The following ROR1 variants were observed in gnomAD, a reference collection of about 807,000 sequenced individuals.
ROR1 encodes the protein ROR family WNT receptor 1, also known as inactive tyrosine-protein kinase transmembrane receptor ROR1.
In ROR1, 19 loss-of-function variants were observed where a neutral mutation model predicts 78.8. The ratio of observed to expected loss-of-function variants is 0.24; its 90% CI spans 0.17 to 0.35. The LOEUF is 0.35. Ranked by LOEUF, ROR1 falls within the 10% of genes least tolerant of loss-of-function variation. ROR1 has a pLI of 1.00. For missense variants in ROR1, 917 were observed against 1,177.8 expected (o/e 0.78, Z 3.24); for synonymous variants, 386 against 433.6 (o/e 0.89, Z 1.36).
intron 1 of ROR1, among the ~76,000 whole-genome samples, chr1:63,856,162 G>C (rs1307757187): frequency 6.6e-6 from 1 of 151,744 alleles, no homozygotes; most frequent in Non-Finnish European, 1.5e-5. Context: ...GCCAGACATT[G>C]TGAATTTTCC....
chr1:63,982,409 C>T (rs879377718), intron 1 of ROR1, among the ~76,000 whole-genome samples: 4 of 152,166 alleles, frequency 2.6e-5, no homozygotes, highest in South Asian at 2.1e-4. Context: ...TAATGTATCA[C>T]GGGCCTACAA....
intron 1 of ROR1, among the ~76,000 whole-genome samples, chr1:63,919,771 A>T (rs920130917): frequency 6.6e-6 from 1 of 152,198 alleles, no homozygotes; most frequent in African/African-American, 2.4e-5. Flanking sequence ...TAAAGCATTT[A>T]GCACAGCTGT....
rs1292001227 is a variant in ROR1, at chr1:64,046,179, CA to C, written c.164-3511del. On this transcript the variant is annotated intron_variant, in intron 2 of 8. Transcript: ENST00000371079. The stretch of plus-strand genomic sequence containing the variant: ...AGGCCCAGATTATGAATCCAAAGCC[CA>C]GGGAGGTGAAGTGATGGTCTGACAC... Among the ~76,000 whole-genome samples the C allele has an allele frequency of 3.9e-5, 6 of 152,160 alleles. No homozygotes were observed. The East Asian group carries it at 9.7e-4, about 25-fold the overall frequency.
intron 4 of ROR1, among the ~76,000 whole-genome samples, chr1:64,130,774 T>C (rs1210251563): frequency 6.6e-6 from 1 of 152,236 alleles, no homozygotes; most frequent in Non-Finnish European, 1.5e-5. Flanking sequence ...TAATTCTGCA[T>C]CTTTTACTTG....
At chr1:63,843,315 T>C (rs1320991014) in intron 1 of ROR1, 1 of 1,224,660 alleles carries the variant, frequency 8.2e-7, no homozygotes, top group Non-Finnish European at 1.2e-6. Flanking sequence ...TGTCAGCTTC[T>C]TGACGGCGTC....
chr1:64,166,278 T>C (rs530679727), intron 8 of ROR1, among the ~76,000 whole-genome samples: 3 of 152,326 alleles, frequency 2.0e-5, no homozygotes, highest in Admixed American at 1.3e-4. Context: ...AGCCCTGTAG[T>C]ATAGTTTGAA....
intron 1 of ROR1, among the ~76,000 whole-genome samples, chr1:63,959,239 G>GAGC (rs1245240774): frequency 6.6e-6 from 1 of 152,170 alleles, no homozygotes; most frequent in Non-Finnish European, 1.5e-5. Context: ...GTCATGAGAA[G>GAGC]AGCAGGAGGG....
intron 1 of ROR1, among the ~76,000 whole-genome samples, chr1:63,795,948 G>A (rs931915239): frequency 5.3e-5 from 8 of 152,142 alleles, no homozygotes; most frequent in Non-Finnish European, 1.0e-4. Flanking sequence ...AAAGGTAAAA[G>A]CATTACTCTA....
At chr1:63,871,655 C>T (rs941718812) in intron 1 of ROR1, among the ~76,000 whole-genome samples, 1 of 152,160 alleles carries the variant, frequency 6.6e-6, no homozygotes, top group Admixed American at 6.6e-5. Context: ...GAGACATTTG[C>T]CTTGACAGTG....
At chr1:63,847,926 A>C (rs1645091557) in intron 1 of ROR1, among the ~76,000 whole-genome samples, 1 of 152,198 alleles carries the variant, frequency 6.6e-6, no homozygotes, top group Non-Finnish European at 1.5e-5. Flanking sequence ...AAGTTATGTG[A>C]GGTGGCTAAG....
At chr1:63,929,926 C>T (rs541466948) in intron 1 of ROR1, among the ~76,000 whole-genome samples, 1 of 152,304 alleles carries the variant, frequency 6.6e-6, no homozygotes, top group South Asian at 2.1e-4. Context: ...CTAGATTAAT[C>T]TGCCTCTCAC....
intron 1 of ROR1, among the ~76,000 whole-genome samples, chr1:63,842,283 G>T (rs571080690): frequency 3.2e-4 from 49 of 152,312 alleles, no homozygotes; most frequent in African/African-American, 1.1e-3. Context: ...GATGCTGGCA[G>T]AAGGATTCGT....
At chr1:63,987,194 T>C (rs1466839259) in intron 1 of ROR1, among the ~76,000 whole-genome samples, 2 of 152,214 alleles carry the variant, frequency 1.3e-5, no homozygotes, top group African/African-American at 4.8e-5. Context: ...GGCTAATAGA[T>C]GACTCAGCCA....
intron 1 of ROR1, among the ~76,000 whole-genome samples, chr1:63,839,965 T>C (rs1645039728): frequency 6.6e-6 from 1 of 152,134 alleles, no homozygotes; most frequent in Non-Finnish European, 1.5e-5. Context: ...ATTATTCTCA[T>C]GGAAATGGAA....
intron 4 of ROR1, among the ~76,000 whole-genome samples, chr1:64,127,933 C>A (rs1052341598): frequency 6.6e-6 from 1 of 152,104 alleles, no homozygotes; most frequent in Non-Finnish European, 1.5e-5. Context: ...CACAGATTTC[C>A]ACCTTAGATG....
chr1:64,070,252 T>A (rs1477438098), intron 4 of ROR1, among the ~76,000 whole-genome samples: 1 of 152,224 alleles, frequency 6.6e-6, no homozygotes, highest in Non-Finnish European at 1.5e-5. Flanking sequence ...TTGAGAGACT[T>A]CCTGGCATAG....
intron 1 of ROR1, among the ~76,000 whole-genome samples, chr1:63,825,866 A>C (rs1455120081): frequency 6.6e-6 from 1 of 152,204 alleles, no homozygotes; most frequent in African/African-American, 2.4e-5. Flanking sequence ...AATGATTCAG[A>C]GGAATGAATC....
chr1:63,809,570 T>C (rs1644848383), intron 1 of ROR1, among the ~76,000 whole-genome samples: 1 of 152,350 alleles, frequency 6.6e-6, no homozygotes, highest in East Asian at 1.9e-4. Flanking sequence ...CATTGTCCTT[T>C]TCTCTGTCTA....
intron 4 of ROR1, among the ~76,000 whole-genome samples, chr1:64,113,122 GC>G (rs1468341847): frequency 6.6e-6 from 1 of 152,106 alleles, no homozygotes; most frequent in African/African-American, 2.4e-5. Flanking sequence ...GCTCTCAGGT[GC>G]CCCTCAACCT....
Sources: allele counts gnomAD v4.1 joint callset (sites outside exome capture counted in the v4.1 genomes callset), GRCh38; gene constraint gnomAD v4.1.1; transcripts MANE v1.5; gene names NCBI Gene and HGNC (gene_info 2026-07-23, HGNC 2026-07-21).